The following SORCS3 variants were observed in gnomAD, a reference collection of about 807,000 sequenced individuals.
SORCS3 encodes VPS10 domain-containing receptor SorCS3.
Under a neutral mutation model 146.3 loss-of-function variants are expected in SORCS3, and 57 were observed. That is an observed-to-expected ratio of 0.39 (90% CI 0.31 to 0.49). The LOEUF is 0.49. SORCS3 is among the 20% of genes least tolerant of loss of function. The pLI is 0.92. For synonymous variants in SORCS3, 653 were observed against 618.5 expected, an observed-to-expected ratio of 1.06 and a Z score of -0.83; for missense variants, 1,341 against 1,575.5, an observed-to-expected ratio of 0.85 and a Z score of 2.52.
chr10:104,797,340 C>T (rs1051623839), intron 1 of SORCS3, among the ~76,000 whole-genome samples: 12 of 152,206 alleles, frequency 7.9e-5, no homozygotes, highest in Middle Eastern at 3.4e-3. Flanking sequence ...TTTCCAAATA[C>T]GGTTTTTACA....
intron 16 of SORCS3, among the ~76,000 whole-genome samples, chr10:105,207,272 T>TTTATTA (rs6144063): frequency 0.013 from 1,847 of 147,168 alleles, 14 homozygotes; most frequent in Middle Eastern, 0.032. Flanking sequence ...CATGCAGAGG[T>TTTATTA]TTATTATTAT....
At chr10:104,732,734 C>A (rs752693555) in intron 1 of SORCS3, among the ~76,000 whole-genome samples, 2 of 152,200 alleles carry the variant, frequency 1.3e-5, no homozygotes, top group Non-Finnish European at 2.9e-5. Flanking sequence ...AATCACCATG[C>A]TAACAGGCAG....
At chr10:104,683,725 C>T (rs1203923408) in intron 1 of SORCS3, among the ~76,000 whole-genome samples, 1 of 152,156 alleles carries the variant, frequency 6.6e-6, no homozygotes, top group Non-Finnish European at 1.5e-5. Context: ...CGCCAGTTGG[C>T]TCCCTGGCAG....
At chr10:104,712,490 A>T (rs2016429867) in intron 1 of SORCS3, among the ~76,000 whole-genome samples, 1 of 152,210 alleles carries the variant, frequency 6.6e-6, no homozygotes, top group Non-Finnish European at 1.5e-5. Context: ...CTCACATGTG[A>T]GTCTCTTGGC....
chr10:105,149,505 T>A (rs886507102), intron 9 of SORCS3, among the ~76,000 whole-genome samples: 2 of 152,160 alleles, frequency 1.3e-5, no homozygotes, highest in African/African-American at 4.8e-5. Context: ...TCTATGCCTC[T>A]AATCATACCA....
At chr10:105,205,725 C>T (rs936384304) in intron 16 of SORCS3, among the ~76,000 whole-genome samples, 4 of 152,112 alleles carry the variant, frequency 2.6e-5, no homozygotes, top group Admixed American at 6.6e-5. Flanking sequence ...ACTTCTCACT[C>T]GACAAAAACT....
At chr10:104,980,149 A>G (rs2133653309) in intron 4 of SORCS3, among the ~76,000 whole-genome samples, 1 of 152,330 alleles carries the variant, frequency 6.6e-6, no homozygotes, top group South Asian at 2.1e-4. Flanking sequence ...TGCTAAAAAT[A>G]TTTGAAAATG....
At chr10:104,884,410 CAT>C (rs544885678) in intron 2 of SORCS3, among the ~76,000 whole-genome samples, 10 of 152,108 alleles carry the variant, frequency 6.6e-5, no homozygotes, top group Non-Finnish European at 1.2e-4. Context: ...TATAAAAATT[CAT>C]ATGTTATGTC....
At chr10:104,825,092 T>G (rs2017920129) in intron 1 of SORCS3, among the ~76,000 whole-genome samples, 1 of 152,224 alleles carries the variant, frequency 6.6e-6, no homozygotes. Context: ...ATGAGGTTGC[T>G]CTTTATTTTG....
Position 104,946,201 on chromosome 10 carries a change from G to C in SORCS3, c.795+30269G>C, listed in dbSNP as rs527916839. Among the ~76,000 whole-genome samples the C allele has an allele frequency of 4.0e-5, 6 of 151,864 alleles. No individual in the cohort carries two copies. In the South Asian group the frequency reaches 1.3e-3, roughly 32 times the overall value. On this transcript the variant is annotated intron_variant, in intron 3 of 26. Transcript: ENST00000369701. Reference sequence around the variant, plus strand: ...GATGACAGCTATGACTACTAGATAAGGAGGGGATGTAAGGCTGTTTAAGAC... The same window carrying C: ...GATGACAGCTATGACTACTAGATAACGAGGGGATGTAAGGCTGTTTAAGAC...
intron 1 of SORCS3, among the ~76,000 whole-genome samples, chr10:104,784,571 A>G (rs982816013): frequency 1.3e-5 from 2 of 152,222 alleles, no homozygotes; most frequent in African/African-American, 4.8e-5. Context: ...TTCCCTGAAC[A>G]TAACCATGAC....
At chr10:104,784,942 G>T (rs992090732) in intron 1 of SORCS3, among the ~76,000 whole-genome samples, 2 of 152,178 alleles carry the variant, frequency 1.3e-5, no homozygotes, top group Non-Finnish European at 2.9e-5. Context: ...ATCCTGGCCC[G>T]TTCTCAATGA....
chr10:104,842,759 C>T, intron 1 of SORCS3, 33 bp from the exon 2 acceptor site: 1 of 1,572,614 alleles, frequency 6.4e-7, no homozygotes, highest in Non-Finnish European at 8.7e-7. Flanking sequence ...CCCTTTGTTC[C>T]TCTCCTTTGC....
At chr10:104,696,969 G>C (rs1419527500) in intron 1 of SORCS3, among the ~76,000 whole-genome samples, 1 of 150,120 alleles carries the variant, frequency 6.7e-6, no homozygotes, top group African/African-American at 2.4e-5. Context: ...GGACTGGCGG[G>C]TGGAGGATAT....
chr10:104,829,218 G>A (rs4918129), intron 1 of SORCS3, among the ~76,000 whole-genome samples: 19,225 of 152,246 alleles, frequency 0.13, 1,289 homozygotes, highest in South Asian at 0.26. Context: ...GAGGAAGCAT[G>A]TAACCTAGAG....
intron 5 of SORCS3, among the ~76,000 whole-genome samples, chr10:105,077,030 A>G (rs1242306164): frequency 1.3e-5 from 2 of 152,220 alleles, no homozygotes; most frequent in Non-Finnish European, 2.9e-5. Flanking sequence ...CTTGACATGC[A>G]TATGCTTTGC....
intron 1 of SORCS3, among the ~76,000 whole-genome samples, chr10:104,766,357 C>G (rs1589491138): frequency 1.3e-5 from 2 of 152,308 alleles, no homozygotes; most frequent in Middle Eastern, 6.8e-3. Context: ...CACTCTCACT[C>G]CCACGTGTGG....
At chr10:105,224,394 C>G (rs1411024119) in intron 20 of SORCS3, among the ~76,000 whole-genome samples, 2 of 152,152 alleles carry the variant, frequency 1.3e-5, no homozygotes, top group African/African-American at 4.8e-5. Flanking sequence ...TAAGTTTCCT[C>G]CATGTCTTTT....
chr10:105,222,474 T>A (rs2056709815), intron 19 of SORCS3, among the ~76,000 whole-genome samples: 1 of 152,214 alleles, frequency 6.6e-6, no homozygotes, highest in Admixed American at 6.5e-5. Context: ...GTTTAGAATA[T>A]CATGCTGCTT....
Sources: allele counts gnomAD v4.1 joint callset (sites outside exome capture counted in the v4.1 genomes callset), GRCh38; gene constraint gnomAD v4.1.1; transcripts MANE v1.5; gene names NCBI Gene and HGNC (gene_info 2026-07-23, HGNC 2026-07-21).